ESCO2: variants seen among roughly 807,000 people sequenced by gnomAD.
The protein encoded by ESCO2 is establishment of sister chromatid cohesion N-acetyltransferase 2.
A neutral mutation model predicts 61.7 loss-of-function variants in ESCO2; 51 were observed. The ratio of observed to expected loss-of-function variants is 0.83; its 90% CI spans 0.66 to 1.04. ESCO2 has a LOEUF of 1.04. ESCO2 is among the 50% of genes least tolerant of loss of function. ESCO2 has a pLI of 0.00. For synonymous variants in ESCO2, 230 were observed against 238.2 expected (o/e 0.97, Z 0.32); for missense variants, 692 against 686.2 (o/e 1.01, Z -0.09).
Position 27,780,179 on chromosome 8 carries a change from A to G in ESCO2, c.867A>G (p.Ser289=), listed in dbSNP as rs535236969. 2.6e-4 allele frequency: 424 copies of G among 1,600,088 alleles called. 3 individuals carry two copies. In the South Asian group the frequency reaches 4.4e-3, roughly 17 times the overall value. ...TTTTTTAAACCTATTTTCAGGATTC[A>G]TCAGATGACAGAGTTTCTTCAAAGG... ...SKNKEKLIKD[S]SDDRVSSKEH... is the part of the protein sequence containing the mutation. The change falls in exon 4 of 11, where the codon TCA becomes TCG. Residue 289 remains serine (S), a synonymous_variant. Coordinates refer to ENST00000305188, the MANE Select transcript of ESCO2 (RefSeq NM_001017420.3).
At chr8:27,791,910 T>G (rs1037164875) in intron 7 of ESCO2, 53 bp from the exon 8 acceptor site, 49 of 1,417,166 alleles carry the variant, frequency 3.5e-5, no homozygotes, top group African/African-American at 8.4e-5. Context: ...TTAATGTTGG[T>G]TTTTTTTCCT....
chr8:27,807,008 TCA>T (rs10565287), downstream of ESCO2, among the ~76,000 whole-genome samples: 23,890 of 152,110 alleles, frequency 0.16, 2,370 homozygotes, highest in East Asian at 0.37. Flanking sequence ...GACTTTGTAT[TCA>T]CAATCTTTCT....
At position 27,799,646 on chromosome 8, in the gene ESCO2, A is replaced by T; in HGVS notation, c.1603A>T (p.Ile535Leu). 6.2e-7 allele frequency: 1 copy of T among 1,613,976 alleles called. No individual in the cohort carries two copies. ...SDVPEPAVCGISRIWVFRLKR... is the reference protein window; with the variant it reads ...SDVPEPAVCGLSRIWVFRLKR... ...TGTACCAGAACCTGCAGTCTGTGGG[A>T]TAAGTAGAATCTGGGTTTTCAGACT... is the stretch of plus-strand genomic sequence containing the variant. Residue 535 changes from isoleucine (I) to leucine (L), a missense_variant, in exon 10 of 11, where the codon ATA becomes TTA. Physicochemically the swap from Ile to Leu is conservative, Grantham distance 5. Transcript: ENST00000305188.
Position 27,799,722 on chromosome 8 carries a change from A to G in ESCO2, c.1673+6A>G, listed in dbSNP as rs1414626337. ...CGACTGGTTGATACCCTCAGGTAAG[A>G]AATAAAATGGATCTAGATCCAGAAC... On this transcript the variant is annotated splice_donor_region_variant and intron_variant, in intron 10 of 10. Transcript: ENST00000305188. The G allele has an allele frequency of 6.2e-7, 1 of 1,613,954 alleles. No individual in the cohort carries two copies. The highest frequency in any genetic ancestry group is 1.1e-5 in the South Asian group (1 of 91,062).
At chr8:27,793,745 A>G (rs1199221307) in intron 9 of ESCO2, among the ~76,000 whole-genome samples, 1 of 152,070 alleles carries the variant, frequency 6.6e-6, no homozygotes, top group Non-Finnish European at 1.5e-5. Flanking sequence ...TCAGCCTCCC[A>G]AATTGCTGGG....
chr8:27,794,378 A>G (rs369933700), intron 9 of ESCO2, among the ~76,000 whole-genome samples: 1 of 152,218 alleles, frequency 6.6e-6, no homozygotes, highest in African/African-American at 2.4e-5. Context: ...ATTTTTTCAT[A>G]TGTCTGTTCC....
downstream of ESCO2, among the ~76,000 whole-genome samples, chr8:27,814,685 A>G (rs1220260055): frequency 6.6e-6 from 1 of 152,124 alleles, no homozygotes; most frequent in Admixed American, 6.6e-5. Context: ...TTGCTTGCAC[A>G]TTTTGATATG....
chr8:27,792,373 C>T lies in ESCO2; in HGVS notation c.1354-295C>T, dbSNP rs116431190. The stretch of plus-strand genomic sequence containing the variant: ...TTTCTGAGGTTGAATGTTTAGCCAC[C>T]GTGAATAATGAATAAAGCTAAAACA... On this transcript the variant is annotated intron_variant, in intron 8 of 10. Transcript: ENST00000305188. Among the ~76,000 whole-genome samples, 1,076 of 152,102 alleles carry T rather than the reference C, an allele frequency of 7.1e-3. 6 individuals carry two copies. The highest frequency in any genetic ancestry group is 0.024 in the African/African-American group (1,011 of 41,480).
At chr8:27,810,195 T>C (rs1805643549), downstream of ESCO2, 1 of 713,322 alleles carries the variant, frequency 1.4e-6, no homozygotes, top group East Asian at 2.6e-5. Context: ...CAAGAAACTA[T>C]GGTCCTCAAA....
downstream of ESCO2, chr8:27,810,528 T>A: frequency 7.1e-7 from 1 of 1,408,518 alleles, no homozygotes; most frequent in Non-Finnish European, 9.9e-7. Flanking sequence ...ATTGAAACAA[T>A]AAACAAAATC....
At chr8:27,775,436 G>A (rs923922856) in intron 1 of ESCO2, 63 bp from the exon 2 acceptor site, 2 of 1,359,916 alleles carry the variant, frequency 1.5e-6, no homozygotes, top group Non-Finnish European at 2.1e-6. Flanking sequence ...ATTAAAGGGG[G>A]TATAATTTTG....
intron 2 of ESCO2, 88 bp downstream of exon 2, chr8:27,775,655 T>C: frequency 7.9e-7 from 1 of 1,264,932 alleles, no homozygotes; most frequent in Non-Finnish European, 1.2e-6. Context: ...ATTTTCGTTC[T>C]TCCACTAGCC....
chr8:27,799,558 T>C lies in ESCO2; in HGVS notation c.1515T>C (p.Ser505=). The C allele has an allele frequency of 6.2e-7, 1 of 1,614,074 alleles. No individual in the cohort carries two copies. The highest frequency in any genetic ancestry group is 2.2e-5 in the East Asian group (1 of 44,882). Residue 505 remains serine (S), a synonymous_variant, in exon 10 of 11, where the codon TCT becomes TCC. Coordinates refer to ENST00000305188, the MANE Select transcript of ESCO2 (RefSeq NM_001017420.3). ...EPIKQAFRVL[S]EPIGPESPSS... is the part of the protein sequence containing the mutation. The stretch of plus-strand genomic sequence containing the variant: ...CATTGCAGGCATTTCGTGTCCTGTC[T>C]GAACCAATTGGTCCAGAATCCCCAA...
intron 4 of ESCO2, among the ~76,000 whole-genome samples, chr8:27,783,123 A>T (rs935163551): frequency 1.3e-5 from 2 of 152,124 alleles, no homozygotes; most frequent in Non-Finnish European, 2.9e-5. Flanking sequence ...AAATTTCCCT[A>T]TGCCTACATT....
chr8:27,772,615 G>C, upstream of ESCO2: 1 of 1,465,702 alleles, frequency 6.8e-7, no homozygotes, highest in East Asian at 2.5e-5. Flanking sequence ...TACCAGACTC[G>C]CGGCGGCCGC....
chr8:27,793,404 C>G (rs112099043), intron 9 of ESCO2, among the ~76,000 whole-genome samples: 5 of 151,550 alleles, frequency 3.3e-5, no homozygotes, highest in African/African-American at 1.2e-4. Flanking sequence ...GCTAATATAG[C>G]TATACCTCAC....
rs555057427 is a variant in ESCO2 at position 27,780,270 on chromosome 8, AAG to A, written c.955+7_955+8del. 49 of 1,570,364 alleles carry A rather than the reference AAG, an allele frequency of 3.1e-5. No individual in the cohort carries two copies. Among genetic ancestry groups the A allele is most frequent in the African/African-American group, 1.9e-4 (14 of 74,130 alleles). ...TTCTCTTGGTGAGAATAAGACAAGT[AAG>A]AGAAAACTCGCATGAATTTAGCTGC... On this transcript the variant is annotated splice_donor_5th_base_variant and intron_variant, in intron 4 of 10. Coordinates refer to ENST00000305188, the MANE Select transcript of ESCO2 (RefSeq NM_001017420.3).
chr8:27,797,128 G>C (rs560606873), intron 9 of ESCO2, among the ~76,000 whole-genome samples: 1 of 145,140 alleles, frequency 6.9e-6, no homozygotes, highest in African/African-American at 2.6e-5. Flanking sequence ...GAAAAAAAAA[G>C]TTCATTTCCT....
At chr8:27,810,600 A>G, downstream of ESCO2, 1 of 671,214 alleles carries the variant, frequency 1.5e-6, no homozygotes, top group Non-Finnish European at 2.5e-6. Flanking sequence ...TTTATGGTCC[A>G]GTATGCTTTC....
Sources: gnomAD v4.1 joint callset for allele counts (sites outside exome capture counted in the v4.1 genomes callset) on GRCh38, gnomAD v4.1.1 for gene constraint, MANE v1.5 for transcripts, NCBI Gene and HGNC (gene_info 2026-07-23, HGNC 2026-07-21) for gene names.